Variants in CLSTN2 observed in about 807,000 individuals in gnomAD.
CLSTN2 encodes the protein calsyntenin-2.
Under a neutral mutation model 101.2 loss-of-function variants are expected in CLSTN2, and 48 were observed. The observed-to-expected ratio is 0.47, with a 90% CI of 0.38 to 0.60. The LOEUF is 0.60. CLSTN2 is among the 20% of genes least tolerant of loss of function. CLSTN2 has a pLI of 0.00. For synonymous variants in CLSTN2, 481 were observed against 463.6 expected (o/e 1.04, Z -0.48); for missense variants, 1,160 against 1,238.2 (o/e 0.94, Z 0.95).
At chr3:140,040,132 G>C (rs1426059) in intron 1 of CLSTN2, among the ~76,000 whole-genome samples, 5,653 of 152,206 alleles carry the variant, frequency 0.037, 334 homozygotes, top group African/African-American at 0.12. Context: ...CACCCAGTCT[G>C]ATTCTCCCAT....
chr3:140,090,985 T>C (rs556271860), intron 1 of CLSTN2, among the ~76,000 whole-genome samples: 2 of 151,844 alleles, frequency 1.3e-5, no homozygotes, highest in African/African-American at 2.4e-5. Context: ...GGTAGAGGAG[T>C]TCTGAGGAAC....
chr3:140,360,365 G>GA (rs1559848368), intron 2 of CLSTN2, among the ~76,000 whole-genome samples: 1 of 152,116 alleles, frequency 6.6e-6, no homozygotes, highest in Non-Finnish European at 1.5e-5. Context: ...TTAATACACA[G>GA]AAAAAATCCA....
intron 2 of CLSTN2, among the ~76,000 whole-genome samples, chr3:140,376,799 A>C (rs13088193): frequency 0.96 from 145,629 of 152,222 alleles, 69,981 homozygotes; most frequent in East Asian, 1. Flanking sequence ...TGGAAGGAAG[A>C]ATAAGGAAAG....
In CLSTN2 at chr3:140,576,206, G is replaced by T. The variant is rs759762717; in HGVS notation, c.*9953G>T. On this transcript the variant is annotated 3_prime_UTR_variant, in exon 17 of 17. Coordinates refer to ENST00000458420, the MANE Select transcript of CLSTN2 (RefSeq NM_022131.3). ...CAGCCAGCCGCAGACACAAGGTCTGGCTCCCTTGTCGTGAGAGTGAAGGCA... is the reference window on the plus strand; with the variant it reads ...CAGCCAGCCGCAGACACAAGGTCTGTCTCCCTTGTCGTGAGAGTGAAGGCA... 6.6e-6 allele frequency: 1 copy of T among 152,168 alleles called. No individual in the cohort carries two copies. The highest frequency in any genetic ancestry group is 6.5e-5 in the Admixed American group (1 of 15,270). 9.4% of individuals were successfully genotyped at this position (152,168 alleles called of 1,614,324 possible). A position where few individuals can be genotyped will look rare whatever the true frequency, so the allele number is the denominator to read the frequency against.
At chr3:140,340,124 TCTC>T (rs10533946) in intron 2 of CLSTN2, among the ~76,000 whole-genome samples, 59,013 of 152,002 alleles carry the variant, frequency 0.39, 12,598 homozygotes, top group Non-Finnish European at 0.5. Flanking sequence ...TCCCTCCCCT[TCTC>T]CTATAGGCTG....
At chr3:140,550,802 C>T (rs1290761813) in intron 10 of CLSTN2, among the ~76,000 whole-genome samples, 1 of 151,304 alleles carries the variant, frequency 6.6e-6, no homozygotes, top group African/African-American at 2.5e-5. Flanking sequence ...TCTGATTTTT[C>T]AGGATACTGA....
At chr3:140,384,595 C>T (rs1202624574) in intron 2 of CLSTN2, among the ~76,000 whole-genome samples, 3 of 152,198 alleles carry the variant, frequency 2.0e-5, no homozygotes, top group Non-Finnish European at 2.9e-5. Flanking sequence ...TCATTTTCCA[C>T]TCACTCGGAT....
chr3:140,295,204 A>G (rs917339109), intron 2 of CLSTN2, among the ~76,000 whole-genome samples: 1 of 152,136 alleles, frequency 6.6e-6, no homozygotes, highest in Admixed American at 6.5e-5. Flanking sequence ...TGATCACATG[A>G]CCATATTTTC....
intron 1 of CLSTN2, among the ~76,000 whole-genome samples, chr3:139,960,971 C>A (rs1234916770): frequency 6.6e-6 from 1 of 152,130 alleles, no homozygotes; most frequent in East Asian, 1.9e-4. Context: ...AATGAATAGC[C>A]ATCCCTTTGC....
intron 8 of CLSTN2, among the ~76,000 whole-genome samples, chr3:140,523,506 G>A (rs1935078204): frequency 6.6e-6 from 1 of 152,056 alleles, no homozygotes; most frequent in Non-Finnish European, 1.5e-5. Context: ...ATTATATCCA[G>A]CATCTCAATT....
chr3:139,973,096 G>A (rs918038391), intron 1 of CLSTN2, among the ~76,000 whole-genome samples: 1 of 152,234 alleles, frequency 6.6e-6, no homozygotes, highest in African/African-American at 2.4e-5. Context: ...TGTGAGCAGG[G>A]CTCTGAGGGC....
chr3:140,043,492 G>C (rs978366244), intron 1 of CLSTN2, among the ~76,000 whole-genome samples: 1 of 152,132 alleles, frequency 6.6e-6, no homozygotes, highest in African/African-American at 2.4e-5. Context: ...CATTCTGATG[G>C]TAGTTTCTTT....
intron 2 of CLSTN2, among the ~76,000 whole-genome samples, chr3:140,287,978 G>T (rs1479867): frequency 6.6e-6 from 1 of 152,136 alleles, no homozygotes; most frequent in South Asian, 2.1e-4. Context: ...TTCAAAATGG[G>T]TTTGGGTTGG....
At chr3:139,984,184 C>T (rs1426035) in intron 1 of CLSTN2, among the ~76,000 whole-genome samples, 28,332 of 152,138 alleles carry the variant, frequency 0.19, 3,038 homozygotes, top group Admixed American at 0.31. Flanking sequence ...ACACCCACTG[C>T]GTGGTAACTG....
intron 1 of CLSTN2, among the ~76,000 whole-genome samples, chr3:140,071,568 A>G (rs1403886089): frequency 6.6e-6 from 1 of 152,242 alleles, no homozygotes; most frequent in Non-Finnish European, 1.5e-5. Context: ...GCAGTGGCTC[A>G]CGCCTGTAAT....
At chr3:140,455,612 C>T (rs1341600747) in intron 6 of CLSTN2, among the ~76,000 whole-genome samples, 1 of 152,124 alleles carries the variant, frequency 6.6e-6, no homozygotes, top group Non-Finnish European at 1.5e-5. Flanking sequence ...CAGAGTGAAT[C>T]CTCAGCTGCC....
At position 140,346,583 on chromosome 3, in the gene CLSTN2, A is replaced by G. The variant is rs181129205; in HGVS notation, c.233-57046A>G. ...ATGAAATTATGAGGATTAAGTAAGCAAGTTTAGGAACAAGAGTCAAATATA... is the reference window on the plus strand; with the variant it reads ...ATGAAATTATGAGGATTAAGTAAGCGAGTTTAGGAACAAGAGTCAAATATA... On this transcript the variant is annotated intron_variant, in intron 2 of 16. Transcript: ENST00000458420. Among the ~76,000 whole-genome samples, 100 of 152,368 alleles carry G rather than the reference A, an allele frequency of 6.6e-4. 1 individual carries two copies. The highest frequency in any genetic ancestry group is 5.0e-3 in the Admixed American group (77 of 15,304).
In CLSTN2 at chr3:140,159,825, G is replaced by A. The variant is rs117566282; in HGVS notation, c.110-16126G>A. ...GTACATATATACCATGGAATACTAT[G>A]CAACCATAAAAAGGAACAATATTAT... On this transcript the variant is annotated intron_variant, in intron 1 of 16. Transcript: ENST00000458420. Among the ~76,000 whole-genome samples the A allele has an allele frequency of 2.0e-3, 310 of 152,236 alleles. 3 individuals carry two copies. In the East Asian group the frequency reaches 0.048, roughly 24 times the overall value.
chr3:140,289,695 C>T (rs1263533284), intron 2 of CLSTN2, among the ~76,000 whole-genome samples: 1 of 152,056 alleles, frequency 6.6e-6, no homozygotes, highest in African/African-American at 2.4e-5. Context: ...TGAATGCATG[C>T]ACACACAAAA....
Sources: allele counts gnomAD v4.1 joint callset (sites outside exome capture counted in the v4.1 genomes callset), GRCh38; gene constraint gnomAD v4.1.1; transcripts MANE v1.5; gene names NCBI Gene and HGNC (gene_info 2026-07-23, HGNC 2026-07-21).